The following SPTBN1 variants were observed in gnomAD, a reference collection of about 807,000 sequenced individuals.
The protein encoded by SPTBN1 is spectrin beta chain, non-erythrocytic 1.
Under a neutral mutation model 266.4 loss-of-function variants are expected in SPTBN1, and 32 were observed. The observed-to-expected ratio is 0.12, with a 90% CI of 0.09 to 0.16. The LOEUF (loss-of-function observed/expected upper bound fraction) is 0.16, where lower values mean the gene tolerates loss of function less well. SPTBN1 is among the 10% of genes least tolerant of loss of function. SPTBN1 has a pLI of 1.00. For missense variants in SPTBN1, 2,296 were observed against 3,067.1 expected, an observed-to-expected ratio of 0.75 and a Z score of 5.94; for synonymous variants, 1,336 against 1,162.2, an observed-to-expected ratio of 1.15 and a Z score of -3.04.
chr2:54,640,404 C>A (rs2941582), intron 18 of SPTBN1, among the ~76,000 whole-genome samples: 20,555 of 147,304 alleles, frequency 0.14, 1,440 homozygotes, highest in Admixed American at 0.18. Context: ...CCTGTTACCA[C>A]CCCCATAAAC....
At chr2:54,612,433 G>A (rs1573528071) in intron 4 of SPTBN1, 99 bp downstream of exon 4, 2 of 1,358,280 alleles carry the variant, frequency 1.5e-6, no homozygotes, top group East Asian at 2.4e-5. Context: ...GGATCGGGAA[G>A]ACCAGGTTGA....
At chr2:54,665,408 AG>A (rs1681304238) in intron 33 of SPTBN1, among the ~76,000 whole-genome samples, 1 of 152,214 alleles carries the variant, frequency 6.6e-6, no homozygotes, top group Admixed American at 6.5e-5. Context: ...GCCATACCAT[AG>A]GGGAAAAGCC....
chr2:54,526,357 T>C lies in SPTBN1; in HGVS notation c.-47-15T>C. The C allele has an allele frequency of 6.3e-7, 1 of 1,591,684 alleles. No individual in the cohort carries two copies. The highest frequency in any genetic ancestry group is 1.4e-5 in the African/African-American group (1 of 74,072). On this transcript the variant is annotated splice_polypyrimidine_tract_variant and intron_variant, in intron 1 of 35. Coordinates refer to ENST00000356805, the MANE Select transcript of SPTBN1 (RefSeq NM_003128.3). ...ACTTCAGACGTCTAAATGTTTTTCCTTTTCTTTCTCATAGAACTCTAAGAA... is the reference window on the plus strand; with the variant it reads ...ACTTCAGACGTCTAAATGTTTTTCCCTTTCTTTCTCATAGAACTCTAAGAA...
Position 54,664,489 on chromosome 2 carries a change from G to T in SPTBN1, c.6457G>T (p.Gly2153Cys). 2 of 1,613,842 alleles carry T rather than the reference G, an allele frequency of 1.2e-6. No homozygotes were observed. The highest frequency in any genetic ancestry group is 1.7e-6 in the Non-Finnish European group (2 of 1,179,800). The change falls in exon 33 of 36, where the codon GGC becomes TGC. Residue 2153 changes from glycine (G) to cysteine (C), a missense_variant. By Grantham distance (159) the Gly-to-Cys change is radical. Transcript: ENST00000356805. This position sits in a 1 kb window ranked among gnomAD's most constrained non-coding sequence, Gnocchi z 5.6. The part of the protein sequence containing the change: ...ETVDTSEMVN[G>C]ATEQRTSSKE... Reference sequence around the variant, plus strand: ...GGTGGACACAAGCGAAATGGTCAACGGCGCTACAGAACAAAGGACGAGCTC... The same window carrying T: ...GGTGGACACAAGCGAAATGGTCAACTGCGCTACAGAACAAAGGACGAGCTC...
chr2:54,569,595 T>C lies in SPTBN1; in HGVS notation c.149-29497T>C, dbSNP rs186726296. On this transcript the variant is annotated intron_variant, in intron 2 of 35. Transcript: ENST00000356805. ...ACTTAACATCATCTTAAGCTTTTCATATGTGGTTATTTCTGTGCCTCTTAC... is the reference window on the plus strand; with the variant it reads ...ACTTAACATCATCTTAAGCTTTTCACATGTGGTTATTTCTGTGCCTCTTAC... 2.6e-5 allele frequency among the ~76,000 whole-genome samples: 4 copies of C among 152,360 alleles called. No homozygotes were observed. The East Asian group carries it at 7.7e-4, about 29-fold the overall frequency.
intron 1 of SPTBN1, among the ~76,000 whole-genome samples, chr2:54,524,859 C>A (rs1670703292): frequency 6.6e-6 from 1 of 152,188 alleles, no homozygotes; most frequent in Non-Finnish European, 1.5e-5. Context: ...GTGACTCATT[C>A]CTCTTGACAT....
chr2:54,625,584 TG>T (rs1203466781), intron 11 of SPTBN1, among the ~76,000 whole-genome samples: 1 of 152,036 alleles, frequency 6.6e-6, no homozygotes, highest in African/African-American at 2.4e-5. Flanking sequence ...ATAGGTTTTT[TG>T]GTTTTGTTTT....
chr2:54,661,198 C>T, intron 32 of SPTBN1: 2 of 985,558 alleles, frequency 2.0e-6, no homozygotes, highest in Non-Finnish European at 2.4e-6. Context: ...TATCAGGCCA[C>T]CAGCAGGAAT....
intron 2 of SPTBN1, chr2:54,529,738 A>G: frequency 2.9e-6 from 2 of 690,768 alleles, no homozygotes; most frequent in Non-Finnish European, 2.7e-6. Context: ...TGGAGAGATG[A>G]AGGCATATGT....
At chr2:54,535,063 T>C (rs1433674113) in intron 2 of SPTBN1, 2 of 152,210 alleles carry the variant, frequency 1.3e-5, no homozygotes, top group East Asian at 3.8e-4. Context: ...CGTTCTTCTG[T>C]GAAAAATCTC....
intron 1 of SPTBN1, among the ~76,000 whole-genome samples, chr2:54,509,961 T>C (rs4988613): frequency 0.072 from 10,803 of 149,546 alleles, 552 homozygotes; most frequent in African/African-American, 0.13. Flanking sequence ...TCTTTCTTTT[T>C]TTTTTTTTTT....
In SPTBN1 at chr2:54,649,646, G is replaced by A. The variant is rs766967876; in HGVS notation, c.5234G>A (p.Arg1745Gln). ...CAAGAACGATTCCGGGAGTTTGCCC[G>A]AGACACCGGGAACATTGGGCAGGAG... The part of the protein sequence containing the change: ...MLQERFREFA[R>Q]DTGNIGQERV... Residue 1745 changes from arginine (R) to glutamine (Q), a missense_variant, in exon 26 of 36, where the codon CGA becomes CAA. Transcript: ENST00000356805. This position sits in a 1 kb window ranked among gnomAD's most constrained non-coding sequence, Gnocchi z 6.7. The A allele has an allele frequency of 7.5e-6, 12 of 1,609,722 alleles. No individual in the cohort carries two copies. The highest frequency in any genetic ancestry group is 3.3e-5 in the Admixed American group (2 of 59,944).
chr2:54,578,095 C>A (rs1674612268), intron 2 of SPTBN1, among the ~76,000 whole-genome samples: 1 of 152,154 alleles, frequency 6.6e-6, no homozygotes, highest in African/African-American at 2.4e-5. Context: ...CTCTCTTGAT[C>A]TGTATTTTCC....
chr2:54,479,641 C>T (rs1668005185), intron 1 of SPTBN1, among the ~76,000 whole-genome samples: 1 of 152,166 alleles, frequency 6.6e-6, no homozygotes, highest in Non-Finnish European at 1.5e-5. Context: ...ATCTTGGTGT[C>T]TTGGTTTCTT....
intron 1 of SPTBN1, among the ~76,000 whole-genome samples, chr2:54,507,212 T>C (rs1287662617): frequency 6.6e-6 from 1 of 152,208 alleles, no homozygotes; most frequent in East Asian, 1.9e-4. Context: ...CTTTTGTGTA[T>C]CTTCAGTTGC....
At chr2:54,568,043 G>T (rs1053447964) in intron 2 of SPTBN1, among the ~76,000 whole-genome samples, 2 of 152,148 alleles carry the variant, frequency 1.3e-5, no homozygotes, top group African/African-American at 4.8e-5. Context: ...TCAGAATCTC[G>T]TCTTTTAAAA....
At chr2:54,623,395 C>T in intron 9 of SPTBN1, 84 bp from the exon 10 acceptor site, 9 of 1,196,332 alleles carry the variant, frequency 7.5e-6, no homozygotes, top group Non-Finnish European at 1.1e-5. Flanking sequence ...TAAGTCAGAC[C>T]AGAGTTAAAT....
At chr2:54,624,003 A>C (rs577509026) in intron 10 of SPTBN1, among the ~76,000 whole-genome samples, 1 of 152,252 alleles carries the variant, frequency 6.6e-6, no homozygotes, top group Admixed American at 6.5e-5. Flanking sequence ...CTGTCAAATA[A>C]GCAATTTTAA....
At chr2:54,610,986 A>G (rs1220297994) in intron 3 of SPTBN1, among the ~76,000 whole-genome samples, 4 of 152,262 alleles carry the variant, frequency 2.6e-5, no homozygotes, top group African/African-American at 4.8e-5. Context: ...TGAGCTCATC[A>G]CAGTAGGAGT....
Sources: gnomAD v4.1 joint callset for allele counts (sites outside exome capture counted in the v4.1 genomes callset) on GRCh38, gnomAD v4.1.1 for gene constraint, Gnocchi (gnomAD v3.1) non-coding constraint, MANE v1.5 for transcripts, NCBI Gene and HGNC (gene_info 2026-07-23, HGNC 2026-07-21) for gene names.